Variants in ARHGEF9 observed in about 807,000 individuals in gnomAD.
ARHGEF9 encodes Cdc42 guanine nucleotide exchange factor 9.
In ARHGEF9, 2 loss-of-function variants were observed where a neutral mutation model predicts 41.3. The ratio of observed to expected loss-of-function variants is 0.05; its 90% CI spans 0.02 to 0.15. The LOEUF (loss-of-function observed/expected upper bound fraction) is 0.15. Among genes scored for constraint, ARHGEF9 ranks in the 10% least tolerant of loss-of-function variants. The pLI is 1.00. For synonymous variants in ARHGEF9, 160 were observed against 154.4 expected, an observed-to-expected ratio of 1.04 and a Z score of -0.27; for missense variants, 225 against 424.7, an observed-to-expected ratio of 0.53 and a Z score of 4.13.
chrX:63,717,748 C>T (rs2053400335), intron 2 of ARHGEF9, among the ~76,000 whole-genome samples: 2 of 112,076 alleles, frequency 1.8e-5, no homozygotes, highest in Non-Finnish European at 3.8e-5. Context: ...ATCCCATTGT[C>T]AGTGCTCTTC....
chrX:63,755,770 G>A, intron 1 of ARHGEF9: 1 of 602,799 alleles, frequency 1.7e-6, no homozygotes, highest in Non-Finnish European at 2.0e-6. Flanking sequence ...AGAATCACAG[G>A]GACACACGAC....
At chrX:63,671,830 T>C (rs2049977825) in intron 6 of ARHGEF9, among the ~76,000 whole-genome samples, 1 of 112,407 alleles carries the variant, frequency 8.9e-6, no homozygotes, top group Non-Finnish European at 1.9e-5. Flanking sequence ...ATGGCAAATA[T>C]GACAGAAACT....
intron 8 of ARHGEF9, among the ~76,000 whole-genome samples, chrX:63,652,594 CATA>C (rs781814260): frequency 1.2e-4 from 13 of 111,302 alleles, no homozygotes; most frequent in Middle Eastern, 4.6e-3. Flanking sequence ...GTGGTTATTA[CATA>C]ATATTATGGA....
chrX:63,705,853 A>G (rs1569481486), intron 3 of ARHGEF9, among the ~76,000 whole-genome samples: 2 of 111,431 alleles, frequency 1.8e-5, no homozygotes, highest in African/African-American at 6.5e-5. Flanking sequence ...TCTGGTACAT[A>G]TTGAAGTCTG....
chrX:63,675,746 G>C (rs186122839), intron 5 of ARHGEF9, among the ~76,000 whole-genome samples: 9 of 111,663 alleles, frequency 8.1e-5, no homozygotes, highest in Non-Finnish European at 1.7e-4. Context: ...GATAGCAGAC[G>C]TGTTGAGAGT....
intron 1 of ARHGEF9, among the ~76,000 whole-genome samples, chrX:63,783,215 C>A (rs1190187270): frequency 3.6e-5 from 4 of 111,321 alleles, no homozygotes; most frequent in African/African-American, 1.3e-4. Context: ...TAAGTCTCAC[C>A]CTGACCCAGT....
At chrX:63,738,337 C>T (rs2054739618) in intron 1 of ARHGEF9, among the ~76,000 whole-genome samples, 1 of 112,091 alleles carries the variant, frequency 8.9e-6, no homozygotes, top group Non-Finnish European at 1.9e-5. Context: ...GGAAGGGAGA[C>T]TTTTCACTGT....
At chrX:63,774,339 G>C (rs1309840448) in intron 1 of ARHGEF9, among the ~76,000 whole-genome samples, 3 of 111,291 alleles carry the variant, frequency 2.7e-5, no homozygotes, top group Non-Finnish European at 5.7e-5. Flanking sequence ...CAGAGTATTT[G>C]AGATTGCCTA....
intron 4 of ARHGEF9, among the ~76,000 whole-genome samples, chrX:63,691,200 T>C (rs1556381067): frequency 1.8e-5 from 2 of 111,572 alleles, no homozygotes; most frequent in African/African-American, 6.5e-5. Flanking sequence ...AAATTATCCT[T>C]GTTAGCAGAT....
At chrX:63,735,024 C>T (rs1330514079) in intron 1 of ARHGEF9, among the ~76,000 whole-genome samples, 1 of 111,090 alleles carries the variant, frequency 9.0e-6, no homozygotes, top group African/African-American at 3.3e-5. Flanking sequence ...GTCTTATACC[C>T]AAAATGTCCC....
intron 1 of ARHGEF9, among the ~76,000 whole-genome samples, chrX:63,737,993 T>C (rs2054719711): frequency 8.9e-6 from 1 of 112,171 alleles, no homozygotes; most frequent in Non-Finnish European, 1.9e-5. Context: ...ATAACTCATT[T>C]GATCCCTAGT....
chrX:63,651,849 T>C (rs1324171162), intron 8 of ARHGEF9, among the ~76,000 whole-genome samples: 3 of 108,430 alleles, frequency 2.8e-5, no homozygotes, highest in Non-Finnish European at 5.7e-5. Flanking sequence ...GTTAAAAGAA[T>C]GAGTAAAGGG....
intron 7 of ARHGEF9, among the ~76,000 whole-genome samples, chrX:63,664,758 C>T (rs1368152235): frequency 8.9e-6 from 1 of 112,193 alleles, no homozygotes; most frequent in East Asian, 2.8e-4. Flanking sequence ...CAGAGCTTAT[C>T]ACCAAACACT....
chrX:63,745,541 G>C (rs1186724707), intron 1 of ARHGEF9, among the ~76,000 whole-genome samples: 2 of 111,545 alleles, frequency 1.8e-5, no homozygotes, highest in African/African-American at 6.5e-5. Context: ...GAAACCTATA[G>C]GGGAGGTAGC....
At chrX:63,729,753 A>T (rs1421483297) in intron 1 of ARHGEF9, among the ~76,000 whole-genome samples, 2 of 111,780 alleles carry the variant, frequency 1.8e-5, no homozygotes, top group African/African-American at 6.5e-5. Flanking sequence ...ATTTCAGAGG[A>T]AGCACTAAAT....
chrX:63,769,490 T>G (rs2056167745), intron 1 of ARHGEF9, among the ~76,000 whole-genome samples: 1 of 111,723 alleles, frequency 9.0e-6, no homozygotes, highest in Non-Finnish European at 1.9e-5. Context: ...CTGCAGAAAT[T>G]TGCGTAAGTA....
rs188597234 is a variant in ARHGEF9 at position 63,729,185 on chromosome X, C to G, written c.31-4474G>C. 4.6e-3 allele frequency among the ~76,000 whole-genome samples: 510 copies of G among 111,198 alleles called. 2 individuals are homozygous for G. The highest frequency in any genetic ancestry group is 7.9e-3 in the Non-Finnish European group (421 of 53,011). Reference sequence around the variant, plus strand: ...TAAGGTGTTAAATATGGGGGGCCAGCAGGACATGCAGGTGGGTGGGAAGCT... The same window carrying G: ...TAAGGTGTTAAATATGGGGGGCCAGGAGGACATGCAGGTGGGTGGGAAGCT... On this transcript the variant is annotated intron_variant, in intron 1 of 9. Coordinates refer to ENST00000671741, the MANE Select transcript of ARHGEF9 (RefSeq NM_001353921.2).
At chrX:63,741,797 T>C (rs782513407) in intron 1 of ARHGEF9, among the ~76,000 whole-genome samples, 104 of 112,705 alleles carry the variant, frequency 9.2e-4, no homozygotes, top group Non-Finnish European at 1.8e-3. Flanking sequence ...AATGTGCAAG[T>C]GTGAATATTC....
chrX:63,649,050 A>G (rs2048342754), intron 8 of ARHGEF9, among the ~76,000 whole-genome samples: 1 of 111,248 alleles, frequency 9.0e-6, no homozygotes, highest in Non-Finnish European at 1.9e-5. Flanking sequence ...AACGAGACAA[A>G]AAGTTAACAA....
Sources: gnomAD v4.1 joint callset for allele counts (sites outside exome capture counted in the v4.1 genomes callset) on GRCh38, gnomAD v4.1.1 for gene constraint, MANE v1.5 for transcripts, NCBI Gene and HGNC (gene_info 2026-07-23, HGNC 2026-07-21) for gene names.